The following MAST4 variants were observed in gnomAD, a reference collection of about 807,000 sequenced individuals.
MAST4 encodes the protein microtubule associated serine/threonine kinase family member 4.
In MAST4, 89 loss-of-function variants were observed where a neutral mutation model predicts 162.7. The ratio of observed to expected loss-of-function variants is 0.55; its 90% confidence interval spans 0.46 to 0.65. MAST4 has a LOEUF of 0.65. Among genes scored for constraint, MAST4 ranks in the 30% least tolerant of loss-of-function variants. The pLI is 0.00. For missense variants in MAST4, 3,153 were observed against 3,374.0 expected (o/e 0.93, Z 1.62); for synonymous variants, 1,479 against 1,361.1 (o/e 1.09, Z -1.91).
At chr5:67,116,180 TTTTG>T (rs57544655) in intron 12 of MAST4, among the ~76,000 whole-genome samples, 3,145 of 150,740 alleles carry the variant, frequency 0.021, 67 homozygotes, top group African/African-American at 0.064. Flanking sequence ...CTAAGGCTAG[TTTTG>T]TTTGTTTGTT....
intron 4 of MAST4, among the ~76,000 whole-genome samples, chr5:67,022,058 C>T (rs1220974807): frequency 6.6e-6 from 1 of 152,126 alleles, no homozygotes; most frequent in African/African-American, 2.4e-5. Flanking sequence ...TGTTGTAATT[C>T]TGTATATACT....
At chr5:66,701,884 A>C (rs1344647139) in intron 1 of MAST4, among the ~76,000 whole-genome samples, 1 of 152,220 alleles carries the variant, frequency 6.6e-6, no homozygotes, top group Non-Finnish European at 1.5e-5. Context: ...ACTCTACCTA[A>C]AACATGAACT....
intron 4 of MAST4, among the ~76,000 whole-genome samples, chr5:66,945,406 A>G (rs543818394): frequency 6.6e-6 from 1 of 152,272 alleles, no homozygotes; most frequent in Non-Finnish European, 1.5e-5. Context: ...TGTAAATGAT[A>G]AGTCCTCAGT....
At chr5:66,881,038 A>G (rs1430577345) in intron 3 of MAST4, among the ~76,000 whole-genome samples, 9 of 152,224 alleles carry the variant, frequency 5.9e-5, no homozygotes, top group Admixed American at 1.3e-4. Flanking sequence ...GAACTTTCAC[A>G]GATTGACTCT....
chr5:67,124,209 G>T (rs1243806889), intron 14 of MAST4, among the ~76,000 whole-genome samples: 1 of 152,094 alleles, frequency 6.6e-6, no homozygotes. Flanking sequence ...TCTACCCTTG[G>T]GTTTTCCTGT....
At chr5:66,769,849 C>T (rs911953950) in intron 2 of MAST4, among the ~76,000 whole-genome samples, 2 of 152,116 alleles carry the variant, frequency 1.3e-5, no homozygotes, top group Admixed American at 1.3e-4. Context: ...TGTGATACTC[C>T]CAATTTGGGT....
intron 4 of MAST4, among the ~76,000 whole-genome samples, chr5:66,945,068 A>G (rs1421762647): frequency 6.6e-6 from 1 of 151,490 alleles, no homozygotes; most frequent in Non-Finnish European, 1.5e-5. Flanking sequence ...TGCCTGTCAT[A>G]TCCTGGGTTT....
chr5:66,722,923 C>G lies in MAST4; in HGVS notation c.364-36786C>G, dbSNP rs115278920. Among the ~76,000 whole-genome samples the G allele has an allele frequency of 7.1e-3, 1,081 of 152,182 alleles. 15 individuals carry two copies. The highest frequency in any genetic ancestry group is 0.025 in the African/African-American group (1,029 of 41,514). Reference sequence around the variant, plus strand: ...GATATGTAGTTGAAAAGGGATGTGTCTGAATCAAGGAAGTGGTGGAATTAT... The same window carrying G: ...GATATGTAGTTGAAAAGGGATGTGTGTGAATCAAGGAAGTGGTGGAATTAT... On this transcript the variant is annotated intron_variant, in intron 1 of 28. Coordinates refer to ENST00000403625, the MANE Select transcript of MAST4 (RefSeq NM_001164664.2).
chr5:66,631,134 A>G (rs1418073390), intron 1 of MAST4, among the ~76,000 whole-genome samples: 2 of 152,138 alleles, frequency 1.3e-5, no homozygotes, highest in Non-Finnish European at 2.9e-5. Flanking sequence ...CAAATTAGTT[A>G]GTATTGTGGG....
At chr5:66,755,622 T>C (rs1753489394) in intron 1 of MAST4, among the ~76,000 whole-genome samples, 1 of 152,252 alleles carries the variant, frequency 6.6e-6, no homozygotes, top group Non-Finnish European at 1.5e-5. Context: ...TGATGTGCCT[T>C]CATTTTTACT....
chr5:66,627,568 TC>T (rs1262109719), intron 1 of MAST4, among the ~76,000 whole-genome samples: 3 of 152,278 alleles, frequency 2.0e-5, no homozygotes, highest in African/African-American at 7.2e-5. Context: ...AATTTTTAGA[TC>T]AATGGCTGCA....
intron 1 of MAST4, among the ~76,000 whole-genome samples, chr5:66,617,038 G>C (rs1743740589): frequency 6.6e-6 from 1 of 152,210 alleles, no homozygotes. Context: ...GGACTGAAAG[G>C]AGAACATTAA....
chr5:66,705,556 A>G (rs1486862810), intron 1 of MAST4, among the ~76,000 whole-genome samples: 1 of 152,196 alleles, frequency 6.6e-6, no homozygotes, highest in Non-Finnish European at 1.5e-5. Flanking sequence ...GTCTACTTTG[A>G]CACTTCCATT....
intron 4 of MAST4, among the ~76,000 whole-genome samples, chr5:66,976,881 A>G (rs1748204327): frequency 6.6e-6 from 1 of 152,184 alleles, no homozygotes; most frequent in Non-Finnish European, 1.5e-5. Context: ...TAACACTTCT[A>G]GTAGCCACTG....
chr5:66,998,615 C>T (rs1750930526), intron 4 of MAST4, among the ~76,000 whole-genome samples: 1 of 152,180 alleles, frequency 6.6e-6, no homozygotes, highest in Non-Finnish European at 1.5e-5. Context: ...TATCACACAT[C>T]TTTCTAACCT....
intron 4 of MAST4, among the ~76,000 whole-genome samples, chr5:66,903,047 C>T (rs464243): frequency 0.35 from 52,813 of 152,018 alleles, 10,165 homozygotes; most frequent in Non-Finnish European, 0.45. Context: ...TAAGCAAGTG[C>T]TAAAAGCAAA....
At position 67,145,276 on chromosome 5, in the gene MAST4, C is replaced by G; in HGVS notation, c.2991C>G (p.Pro997=). The change falls in exon 23 of 29, where the codon CCC becomes CCG. Residue 997 remains proline (P), a synonymous_variant. Transcript: ENST00000403625. ...QDEAASCPGD[P]HEEPGKPALP... is the part of the protein sequence containing the mutation. The stretch of plus-strand genomic sequence containing the variant: ...AAGCTGCCTCCTGCCCTGGAGACCC[C>G]CATGAGGAGCCAGGAAAGCCAGCCC... The G allele has an allele frequency of 6.2e-7, 1 of 1,613,940 alleles. No homozygotes were observed. The highest frequency in any genetic ancestry group is 2.2e-5 in the East Asian group (1 of 44,872).
intron 3 of MAST4, among the ~76,000 whole-genome samples, chr5:66,840,660 A>C (rs918650661): frequency 1.3e-5 from 2 of 152,130 alleles, no homozygotes; most frequent in Non-Finnish European, 2.9e-5. Context: ...ATGTATCATG[A>C]GCAGAGGCTT....
rs866405473 is a variant in MAST4, at chr5:66,965,242, T to C, written c.674+65260T>C. ...TTTTTTTGCTTTTTTTTTTTTTTTT[T>C]CCCTATCTGGAGAATTCCTTTGCTC... On this transcript the variant is annotated intron_variant, in intron 4 of 28. Coordinates refer to ENST00000403625, the MANE Select transcript of MAST4 (RefSeq NM_001164664.2). Among the ~76,000 whole-genome samples the C allele has an allele frequency of 5.5e-3, 808 of 147,332 alleles. 2 individuals carry two copies. Among genetic ancestry groups the C allele is most frequent in the African/African-American group, 0.014 (571 of 40,466 alleles).
Sources: allele counts gnomAD v4.1 joint callset (sites outside exome capture counted in the v4.1 genomes callset), GRCh38; gene constraint gnomAD v4.1.1; transcripts MANE v1.5; gene names NCBI Gene and HGNC (gene_info 2026-07-23, HGNC 2026-07-21).